SEMA3A: variants seen among roughly 807,000 people sequenced by gnomAD.
The protein encoded by SEMA3A is semaphorin-3A.
SEMA3A carries 29 observed loss-of-function variants against 97.9 expected under a neutral mutation model. The ratio of observed to expected loss-of-function variants is 0.30; its 90% CI spans 0.22 to 0.40. The LOEUF is 0.40. Among genes scored for constraint, SEMA3A ranks in the 10% least tolerant of loss-of-function variants. SEMA3A has a pLI of 1.00. For missense variants in SEMA3A, 763 were observed against 951.3 expected, an observed-to-expected ratio of 0.80 and a Z score of 2.60; for synonymous variants, 321 against 323.7, an observed-to-expected ratio of 0.99 and a Z score of 0.09.
intron 3 of SEMA3A, among the ~76,000 whole-genome samples, chr7:84,220,801 G>A (rs1798859833): frequency 6.6e-6 from 1 of 152,126 alleles, no homozygotes; most frequent in African/African-American, 2.4e-5. Context: ...AGACTTCATT[G>A]TCCCATATGC....
chr7:83,961,926 C>T (rs555473050), intron 16 of SEMA3A, 100 bp from the exon 17 acceptor site: 3 of 797,108 alleles, frequency 3.8e-6, no homozygotes, highest in African/African-American at 3.5e-5. Flanking sequence ...TGTGTTGAGG[C>T]ACATTTTAAC....
intron 3 of SEMA3A, among the ~76,000 whole-genome samples, chr7:84,243,402 C>A (rs1799409826): frequency 6.6e-6 from 1 of 152,096 alleles, no homozygotes; most frequent in African/African-American, 2.4e-5. Context: ...GGAATTTATC[C>A]ATTTCTTCTA....
chr7:84,396,771 A>G (rs1263441389), intron 1 of SEMA3A, among the ~76,000 whole-genome samples: 1 of 152,006 alleles, frequency 6.6e-6, no homozygotes, highest in Admixed American at 6.6e-5. Flanking sequence ...TTCTAACTGT[A>G]TAATATTTAT....
intron 3 of SEMA3A, among the ~76,000 whole-genome samples, chr7:84,211,161 G>A (rs1016953051): frequency 1.3e-5 from 2 of 152,120 alleles, no homozygotes; most frequent in Non-Finnish European, 2.9e-5. Context: ...GTCTATGTAG[G>A]TTTTTAATGG....
At chr7:84,228,572 A>C (rs919268170) in intron 3 of SEMA3A, among the ~76,000 whole-genome samples, 1 of 152,132 alleles carries the variant, frequency 6.6e-6, no homozygotes, top group Non-Finnish European at 1.5e-5. Context: ...TAAATACATA[A>C]AAATTTATCT....
At chr7:84,359,154 G>T (rs1163358679) in intron 2 of SEMA3A, among the ~76,000 whole-genome samples, 1 of 152,018 alleles carries the variant, frequency 6.6e-6, no homozygotes, top group East Asian at 1.9e-4. Flanking sequence ...TGATTGCCCT[G>T]GCCAGAACTT....
rs138213796 is a variant in SEMA3A at position 84,361,833 on chromosome 7, C to T, written c.-169+9991G>A. On this transcript the variant is annotated intron_variant, in intron 2 of 3. Transcript: ENST00000424555. ...TAACTGAAGGACTCTGCAGAGGAGA[C>T]GGTGTCCTTCATTTTCATTACTTCC... Among the ~76,000 whole-genome samples, 1,230 of 151,984 alleles carry T rather than the reference C, an allele frequency of 8.1e-3. 11 individuals are homozygous for T. Among genetic ancestry groups the T allele is most frequent in the Non-Finnish European group, 0.012 (819 of 67,948 alleles).
chr7:84,128,197 C>T (rs951495408), intron 3 of SEMA3A, among the ~76,000 whole-genome samples: 2 of 151,842 alleles, frequency 1.3e-5, no homozygotes. Flanking sequence ...AGGACAATTC[C>T]TATTGCATGG....
chr7:84,163,988 G>A (rs1797128689), intron 1 of SEMA3A, among the ~76,000 whole-genome samples: 1 of 151,996 alleles, frequency 6.6e-6, no homozygotes, highest in South Asian at 2.1e-4. Flanking sequence ...TGGGATTACA[G>A]GCATGTGCCA....
At chr7:84,446,883 A>G (rs1430964419) in intron 1 of SEMA3A, among the ~76,000 whole-genome samples, 1 of 150,344 alleles carries the variant, frequency 6.7e-6, no homozygotes, top group Admixed American at 6.6e-5. Flanking sequence ...AACAGGTGGG[A>G]GCCCCACCTG....
intron 12 of SEMA3A, among the ~76,000 whole-genome samples, chr7:84,000,165 G>A (rs1043967804): frequency 6.7e-6 from 1 of 148,676 alleles, no homozygotes; most frequent in African/African-American, 2.4e-5. Flanking sequence ...ACTCTATAGT[G>A]GCCAACAGAG....
intron 5 of SEMA3A, among the ~76,000 whole-genome samples, chr7:84,058,252 C>T (rs568701454): frequency 9.7e-4 from 147 of 152,264 alleles, no homozygotes; most frequent in Middle Eastern, 3.4e-3. Flanking sequence ...TATCCAAAAG[C>T]TTTTGGGAAC....
At chr7:84,006,446 GCCCATCATGACCAAGCAGAAGAGAT>G (rs1282003023) in intron 10 of SEMA3A, among the ~76,000 whole-genome samples, 23 of 151,862 alleles carry the variant, frequency 1.5e-4, no homozygotes, top group African/African-American at 5.6e-4. Context: ...CAATCAGAAT[GCCCATCATGACCAAGCAGAAGAGAT>G]AATGGCCCCA....
intron 3 of SEMA3A, among the ~76,000 whole-genome samples, chr7:84,231,451 AAAG>A (rs1298628269): frequency 6.6e-6 from 1 of 152,060 alleles, no homozygotes; most frequent in African/African-American, 2.4e-5. Flanking sequence ...ATCAGAAGGA[AAAG>A]AAGTTCTTTG....
rs577867044 is a variant in SEMA3A at position 84,220,270 on chromosome 7, G to A, written c.-82-25602C>T. Among the ~76,000 whole-genome samples, 10 of 152,176 alleles carry A rather than the reference G, an allele frequency of 6.6e-5. No homozygotes were observed. In the South Asian group the frequency reaches 1.5e-3, roughly 22 times the overall value. On this transcript the variant is annotated intron_variant, in intron 3 of 3. Transcript: ENST00000424555. ...TTGCAGTAATTCAGTTACATCTTTA[G>A]GCTACATTTTTAATTCCAGTTCTCT... is the stretch of plus-strand genomic sequence containing the variant.
intron 4 of SEMA3A, among the ~76,000 whole-genome samples, chr7:84,079,615 C>T (rs2115791658): frequency 6.7e-6 from 1 of 150,270 alleles, no homozygotes; most frequent in East Asian, 2.0e-4. Context: ...CTCATCATCA[C>T]TGGCCATCAG....
At chr7:84,273,823 A>G (rs1800216558) in intron 3 of SEMA3A, among the ~76,000 whole-genome samples, 1 of 151,994 alleles carries the variant, frequency 6.6e-6, no homozygotes, top group African/African-American at 2.4e-5. Context: ...ATAACAAACA[A>G]TCCTACGTTT....
intron 1 of SEMA3A, among the ~76,000 whole-genome samples, chr7:84,474,462 G>C (rs1806229431): frequency 6.6e-6 from 1 of 151,604 alleles, no homozygotes; most frequent in Non-Finnish European, 1.5e-5. Context: ...CTCTCTCCCA[G>C]AGTAACATTT....
In SEMA3A at chr7:84,129,060, G is replaced by A. The variant is rs182897145; in HGVS notation, c.333+63C>T. 6.0e-4 allele frequency: 767 copies of A among 1,281,774 alleles called. 3 individuals are homozygous for A. In the African/African-American group the frequency reaches 1.0e-2, roughly 17 times the overall value. 79.4% of individuals were successfully genotyped at this position (1,281,774 alleles called of 1,614,324 possible). On this transcript the variant is annotated intron_variant, in intron 3 of 16. Transcript: ENST00000265362. ...AAAATCAGAAATTTGAAACACTTTT[G>A]TCCCAAGCATTTTGAATGAAGGATA...
Sources: gnomAD v4.1 joint callset for allele counts (sites outside exome capture counted in the v4.1 genomes callset) on GRCh38, gnomAD v4.1.1 for gene constraint, MANE v1.5 for transcripts, NCBI Gene and HGNC (gene_info 2026-07-23, HGNC 2026-07-21) for gene names.